GLIS1: variants seen among roughly 807,000 people sequenced by gnomAD.
GLIS1 encodes the protein zinc finger protein GLIS1.
A neutral mutation model predicts 63.8 loss-of-function variants in GLIS1; 24 were observed. That is an observed-to-expected ratio of 0.38 (90% CI 0.27 to 0.53). The LOEUF (loss-of-function observed/expected upper bound fraction) is 0.53, where lower values mean the gene tolerates loss of function less well. GLIS1 is among the 20% of genes least tolerant of loss of function. The pLI, the probability that GLIS1 is intolerant of heterozygous loss-of-function variation, is 0.85. For missense variants in GLIS1, 1,036 were observed against 1,074.1 expected (o/e 0.96, Z 0.50); for synonymous variants, 450 against 482.5 (o/e 0.93, Z 0.88).
intron 2 of GLIS1, among the ~76,000 whole-genome samples, chr1:53,669,752 G>T (rs1646132039): frequency 6.6e-6 from 1 of 152,174 alleles, no homozygotes; most frequent in Admixed American, 6.5e-5. Flanking sequence ...CATAGACTGG[G>T]ACTCCCTGAA....
At chr1:53,586,788 G>A (rs766736788) in intron 4 of GLIS1, among the ~76,000 whole-genome samples, 3 of 152,186 alleles carry the variant, frequency 2.0e-5, no homozygotes, top group Admixed American at 6.5e-5. Context: ...GACTTCATGG[G>A]AAACTACTCA....
intron 4 of GLIS1, among the ~76,000 whole-genome samples, chr1:53,547,411 G>A (rs12029188): frequency 0.063 from 9,539 of 152,288 alleles, 1,115 homozygotes; most frequent in East Asian, 0.54. Flanking sequence ...AATGCACCCT[G>A]GTCTGGCCAC....
chr1:53,610,114 T>G (rs769617144), intron 2 of GLIS1, among the ~76,000 whole-genome samples: 9 of 152,266 alleles, frequency 5.9e-5, no homozygotes, highest in Non-Finnish European at 1.0e-4. Flanking sequence ...ATTCCATTCA[T>G]GTGCCTACAC....
chr1:53,575,515 G>A (rs959220589), intron 4 of GLIS1, among the ~76,000 whole-genome samples: 20 of 152,096 alleles, frequency 1.3e-4, no homozygotes, highest in Non-Finnish European at 2.5e-4. Flanking sequence ...CTCCCCACAC[G>A]GGGCCCTAGT....
chr1:53,539,715 A>G lies in GLIS1; in HGVS notation c.1321-9763T>C, dbSNP rs1644622657. Among the ~76,000 whole-genome samples, 1 of 151,950 alleles carries G rather than the reference A, an allele frequency of 6.6e-6. No homozygotes were observed. Among genetic ancestry groups the G allele is most frequent in the Non-Finnish European group, 1.5e-5 (1 of 67,996 alleles). On this transcript the variant is annotated intron_variant, in intron 4 of 10. Coordinates refer to ENST00000628545, the MANE Select transcript of GLIS1 (RefSeq NM_001367484.1). The surrounding 1 kb of genome is among the most constrained non-coding windows in gnomAD (Gnocchi z 5.0). ...ACACTAACCCCCACCCACCAGCCAC[A>G]CCGACACACTGCCCCACGCATAGCA... is the stretch of plus-strand genomic sequence containing the variant.
intron 4 of GLIS1, among the ~76,000 whole-genome samples, chr1:53,548,558 C>T (rs913256466): frequency 6.6e-6 from 1 of 152,188 alleles, no homozygotes; most frequent in African/African-American, 2.4e-5. Context: ...TGATGAGAAC[C>T]CTGGGCCTGG....
Position 53,511,306 on chromosome 1 carries a change from CACCAAGTATTGACAA to C in GLIS1, c.1884-1294_1884-1280del, listed in dbSNP as rs1215519670. 6.6e-6 allele frequency among the ~76,000 whole-genome samples: 1 copy of C among 152,210 alleles called. No individual in the cohort carries two copies. The highest frequency in any genetic ancestry group is 6.5e-5 in the Admixed American group (1 of 15,284). On this transcript the variant is annotated intron_variant, in intron 8 of 10. Coordinates refer to ENST00000628545, the MANE Select transcript of GLIS1 (RefSeq NM_001367484.1). The surrounding 1 kb of genome is among the most constrained non-coding windows in gnomAD (Gnocchi z 4.2). The stretch of plus-strand genomic sequence containing the variant: ...CGTGACCCTTGCCCACCCTCTGAGA[CACCAAGTATTGACAA>C]ACAGATCAGTGCCTCTCTGAAGGAA...
chr1:53,692,692 T>A (rs1418232485), intron 2 of GLIS1, among the ~76,000 whole-genome samples: 2 of 152,072 alleles, frequency 1.3e-5, no homozygotes, highest in Middle Eastern at 6.8e-3. Context: ...CTGACCCAGG[T>A]GGGGGTGAGT....
chr1:53,705,686 A>T (rs1393546356), intron 2 of GLIS1, among the ~76,000 whole-genome samples: 1 of 152,224 alleles, frequency 6.6e-6, no homozygotes, highest in Non-Finnish European at 1.5e-5. Context: ...TGCCAACCCC[A>T]GACTCCTTCT....
At chr1:53,712,760 G>T (rs1239169108) in intron 2 of GLIS1, among the ~76,000 whole-genome samples, 2 of 152,184 alleles carry the variant, frequency 1.3e-5, no homozygotes, top group African/African-American at 4.8e-5. Flanking sequence ...ACCATGTGAG[G>T]CTTTGTCTGG....
intron 2 of GLIS1, chr1:53,688,769 AC>A (rs1203085164): frequency 6.6e-6 from 1 of 152,034 alleles, no homozygotes; most frequent in Non-Finnish European, 1.5e-5. Context: ...TCTGGTGAAA[AC>A]CAAAAAACCT....
At chr1:53,683,178 A>G (rs1269655563) in intron 2 of GLIS1, among the ~76,000 whole-genome samples, 2 of 152,156 alleles carry the variant, frequency 1.3e-5, no homozygotes, top group African/African-American at 2.4e-5. Flanking sequence ...TGGCAGACAC[A>G]TTCCTGGCTC....
chr1:53,518,044 C>T (rs1040908493), intron 7 of GLIS1, among the ~76,000 whole-genome samples: 4 of 152,262 alleles, frequency 2.6e-5, no homozygotes, highest in African/African-American at 7.2e-5. Flanking sequence ...CAGCCGTGAG[C>T]GCTTAACCTC....
intron 8 of GLIS1, among the ~76,000 whole-genome samples, chr1:53,513,910 G>T (rs1055339113): frequency 6.6e-6 from 1 of 152,258 alleles, no homozygotes; most frequent in Non-Finnish European, 1.5e-5. Flanking sequence ...GAAGGTGCTG[G>T]GGCCAGGCCT....
At chr1:53,686,818 G>C (rs141358675) in intron 2 of GLIS1, among the ~76,000 whole-genome samples, 1 of 152,098 alleles carries the variant, frequency 6.6e-6, no homozygotes. Flanking sequence ...TGGCCTGAAC[G>C]GTGGCGGGGG....
At chr1:53,671,858 A>T (rs1312978798) in intron 2 of GLIS1, among the ~76,000 whole-genome samples, 1 of 151,920 alleles carries the variant, frequency 6.6e-6, no homozygotes, top group African/African-American at 2.4e-5. Context: ...AAGGCCAAGC[A>T]GGGATTCAAA....
intron 7 of GLIS1, among the ~76,000 whole-genome samples, chr1:53,515,079 A>ATGTGTGTGTGTGTG (rs5774151): frequency 2.6e-4 from 37 of 142,096 alleles, no homozygotes; most frequent in African/African-American, 8.0e-4. Flanking sequence ...GTGTGTGTAT[A>ATGTGTGTGTGTGTG]TGTGTGTGTG....
At chr1:53,527,337 C>T (rs1644480940) in intron 5 of GLIS1, among the ~76,000 whole-genome samples, 1 of 152,244 alleles carries the variant, frequency 6.6e-6, no homozygotes, top group Admixed American at 6.5e-5. Context: ...TCGAGCCCCA[C>T]ACTGAGAGCC....
intron 2 of GLIS1, among the ~76,000 whole-genome samples, chr1:53,630,504 T>C (rs1645640210): frequency 6.6e-6 from 1 of 151,946 alleles, no homozygotes; most frequent in Non-Finnish European, 1.5e-5. Context: ...TTTCTTTTTT[T>C]TTTTTTTCTT....
Sources: allele counts gnomAD v4.1 joint callset (sites outside exome capture counted in the v4.1 genomes callset), GRCh38; gene constraint gnomAD v4.1.1; non-coding constraint Gnocchi (gnomAD v3.1); transcripts MANE v1.5; gene names NCBI Gene and HGNC (gene_info 2026-07-23, HGNC 2026-07-21).